Variants in ZHX2 observed in about 807,000 individuals in gnomAD.
ZHX2 encodes the protein zinc fingers and homeoboxes protein 2.
In ZHX2, 6 loss-of-function variants were observed where a neutral mutation model predicts 21.9. That is an observed-to-expected ratio of 0.27 (90% CI 0.15 to 0.54). ZHX2 has a LOEUF of 0.54. Ranked by LOEUF, ZHX2 falls within the 20% of genes least tolerant of loss-of-function variation. The pLI is 0.95. For synonymous variants in ZHX2, 434 were observed against 437.1 expected (o/e 0.99, Z 0.09); for missense variants, 908 against 1,090.7 (o/e 0.83, Z 2.36).
At chr8:122,921,349 G>T (rs1277897179) in intron 2 of ZHX2, among the ~76,000 whole-genome samples, 1 of 152,140 alleles carries the variant, frequency 6.6e-6, no homozygotes, top group Non-Finnish European at 1.5e-5. Context: ...CTCCCAAAGT[G>T]CTAGGATTAC....
chr8:122,956,105 A>G (rs140700809), intron 3 of ZHX2, among the ~76,000 whole-genome samples: 2,263 of 152,158 alleles, frequency 0.015, 54 homozygotes, highest in African/African-American at 0.051. Flanking sequence ...TTGGCCTCCC[A>G]AAGTGCTGGG....
intron 1 of ZHX2, among the ~76,000 whole-genome samples, chr8:122,833,646 C>A (rs1818428801): frequency 6.6e-6 from 1 of 151,706 alleles, no homozygotes; most frequent in African/African-American, 2.4e-5. Flanking sequence ...AGTAGTGTGG[C>A]GTTTTGAAAG....
intron 2 of ZHX2, among the ~76,000 whole-genome samples, chr8:122,884,211 C>T (rs993935436): frequency 5.3e-5 from 8 of 152,210 alleles, no homozygotes; most frequent in Non-Finnish European, 8.8e-5. Context: ...TAGGAGACCA[C>T]CACAGTACAC....
In ZHX2 at chr8:122,865,340, G is replaced by A. The variant is rs188092272; in HGVS notation, c.-220+1801G>A. Among the ~76,000 whole-genome samples, 310 of 152,242 alleles carry A rather than the reference G, an allele frequency of 2.0e-3. 10 individuals carry two copies. In the East Asian group the frequency reaches 0.057, roughly 28 times the overall value. On this transcript the variant is annotated intron_variant, in intron 2 of 3. Transcript: ENST00000314393. Reference sequence around the variant, plus strand: ...AGATGGGGTTTCACCATGTTAGCCAGGATGGTCTCGATCTCCTGACCTCAT... The same window carrying A: ...AGATGGGGTTTCACCATGTTAGCCAAGATGGTCTCGATCTCCTGACCTCAT...
At chr8:122,945,228 AC>A (rs1229895851) in intron 2 of ZHX2, among the ~76,000 whole-genome samples, 3 of 151,954 alleles carry the variant, frequency 2.0e-5, no homozygotes, top group Non-Finnish European at 4.4e-5. Flanking sequence ...TCATCTGTGC[AC>A]CCCCAGCTGT....
rs28412186 is a variant in ZHX2, at chr8:122,912,113, G to A, written c.-219-39179G>A. Among the ~76,000 whole-genome samples the A allele has an allele frequency of 5.5e-3, 834 of 152,332 alleles. 2 individuals are homozygous for A. The highest frequency in any genetic ancestry group is 0.031 in the Middle Eastern group (9 of 294). On this transcript the variant is annotated intron_variant, in intron 2 of 3. Transcript: ENST00000314393. ...TTTGCAAACTGGGTTCATGAAGATGGTGGCGGGGCTTCCAGTGGTCATAAC... is the reference window on the plus strand; with the variant it reads ...TTTGCAAACTGGGTTCATGAAGATGATGGCGGGGCTTCCAGTGGTCATAAC...
chr8:122,912,859 A>G (rs1160450497), intron 2 of ZHX2, among the ~76,000 whole-genome samples: 1 of 152,182 alleles, frequency 6.6e-6, no homozygotes, highest in Non-Finnish European at 1.5e-5. Flanking sequence ...GATTTAAGAA[A>G]AAGAAAAACA....
At chr8:122,893,488 A>G (rs954787545) in intron 2 of ZHX2, among the ~76,000 whole-genome samples, 8 of 152,128 alleles carry the variant, frequency 5.3e-5, no homozygotes, top group Non-Finnish European at 1.0e-4. Context: ...TAGGCCCTGT[A>G]GGCTTTTTTC....
intron 2 of ZHX2, among the ~76,000 whole-genome samples, chr8:122,950,041 A>AT (rs1286530946): frequency 6.6e-6 from 1 of 152,136 alleles, no homozygotes; most frequent in Non-Finnish European, 1.5e-5. Context: ...TATAGGCTGG[A>AT]TTGTAAGTCA....
chr8:122,805,365 C>T (rs1257794803), intron 1 of ZHX2, among the ~76,000 whole-genome samples: 1 of 152,168 alleles, frequency 6.6e-6, no homozygotes, highest in East Asian at 1.9e-4. Context: ...GTCATTCTCC[C>T]ATACTTCAGG....
chr8:122,944,518 C>T (rs1297104752), intron 2 of ZHX2, among the ~76,000 whole-genome samples: 1 of 152,138 alleles, frequency 6.6e-6, no homozygotes, highest in Non-Finnish European at 1.5e-5. Flanking sequence ...TCCACTGTCA[C>T]CTTCTCAAAA....
chr8:122,960,452 C>T (rs1248072823), intron 3 of ZHX2, among the ~76,000 whole-genome samples: 1 of 152,086 alleles, frequency 6.6e-6, no homozygotes, highest in Non-Finnish European at 1.5e-5. Flanking sequence ...GCAGGAGAAT[C>T]GCTTGAACCC....
intron 2 of ZHX2, among the ~76,000 whole-genome samples, chr8:122,940,318 GA>G (rs1243843981): frequency 6.6e-6 from 1 of 152,204 alleles, no homozygotes; most frequent in Non-Finnish European, 1.5e-5. Flanking sequence ...CTGAGCTTTG[GA>G]ATTCATTGGT....
In ZHX2 at chr8:122,909,261, G is replaced by A. The variant is rs919513398; in HGVS notation, c.-219-42031G>A. Among the ~76,000 whole-genome samples the A allele has an allele frequency of 6.6e-5, 10 of 151,960 alleles. No individual in the cohort carries two copies. The East Asian group carries it at 7.7e-4, about 12-fold the overall frequency. On this transcript the variant is annotated intron_variant, in intron 2 of 3. Coordinates refer to ENST00000314393, the MANE Select transcript of ZHX2 (RefSeq NM_014943.5). ...GCTTGGCCCACAGGGTGAAACCCCCGTCTCTACTAAAAATACAAAAAATTA... is the reference window on the plus strand; with the variant it reads ...GCTTGGCCCACAGGGTGAAACCCCCATCTCTACTAAAAATACAAAAAATTA...
At position 122,863,994 on chromosome 8, in the gene ZHX2, G is replaced by A. The variant is rs370201363; in HGVS notation, c.-220+455G>A. ...ACATTTGAAAAACTGTCATGAGCAG[G>A]GCAGAGGTGGGCAGCTGTTGACTCC... is the stretch of plus-strand genomic sequence containing the variant. On this transcript the variant is annotated intron_variant, in intron 2 of 3. Transcript: ENST00000314393. 1.9e-4 allele frequency among the ~76,000 whole-genome samples: 29 copies of A among 152,106 alleles called. No homozygotes were observed. In the East Asian group the frequency reaches 5.4e-3, roughly 28 times the overall value.
At chr8:122,790,022 G>A (rs1479726700) in intron 1 of ZHX2, among the ~76,000 whole-genome samples, 3 of 152,172 alleles carry the variant, frequency 2.0e-5, no homozygotes, top group Non-Finnish European at 2.9e-5. Context: ...TCCAAAGAAC[G>A]GAGAACTTGC....
At chr8:122,820,977 CT>C (rs1248275852) in intron 1 of ZHX2, among the ~76,000 whole-genome samples, 1 of 152,168 alleles carries the variant, frequency 6.6e-6, no homozygotes, top group Non-Finnish European at 1.5e-5. Context: ...TCCCCAGCCC[CT>C]AAAACCTCTG....
intron 2 of ZHX2, among the ~76,000 whole-genome samples, chr8:122,928,899 G>A (rs1272926911): frequency 1.3e-5 from 2 of 152,128 alleles, no homozygotes; most frequent in African/African-American, 4.8e-5. Context: ...GACAAGGTGA[G>A]TTTTCCATAA....
intron 2 of ZHX2, among the ~76,000 whole-genome samples, chr8:122,882,961 G>A (rs558795849): frequency 6.6e-6 from 1 of 152,166 alleles, no homozygotes; most frequent in Admixed American, 6.5e-5. Context: ...CAGCCTGGGT[G>A]GCAGAGTGAG....
Sources: allele counts gnomAD v4.1 joint callset (sites outside exome capture counted in the v4.1 genomes callset), GRCh38; gene constraint gnomAD v4.1.1; transcripts MANE v1.5; gene names NCBI Gene and HGNC (gene_info 2026-07-23, HGNC 2026-07-21).